Variants in JAK2 observed in about 807,000 individuals in gnomAD.
The protein encoded by JAK2 is Janus kinase 2.
Under a neutral mutation model 139.3 loss-of-function variants are expected in JAK2, and 86 were observed. That is an observed-to-expected ratio of 0.62 (90% CI 0.52 to 0.74). The LOEUF is 0.74. JAK2 is among the 30% of genes least tolerant of loss of function. The pLI is 0.00. For missense variants in JAK2, 1,421 were observed against 1,360.3 expected (o/e 1.04, Z -0.70); for synonymous variants, 490 against 437.7 (o/e 1.12, Z -1.49).
intron 8 of JAK2, among the ~76,000 whole-genome samples, chr9:5,062,165 G>A (rs967503479): frequency 2.6e-5 from 4 of 151,980 alleles, no homozygotes; most frequent in Non-Finnish European, 5.9e-5. Context: ...GGAAAATATA[G>A]TATTCACAGG....
At chr9:5,087,699 C>T (rs1349414540) in intron 19 of JAK2, among the ~76,000 whole-genome samples, 1 of 152,178 alleles carries the variant, frequency 6.6e-6, no homozygotes, top group African/African-American at 2.4e-5. Context: ...CATTTTCCCA[C>T]TGCTTATTGG....
chr9:4,988,203 C>T (rs914808959), intron 2 of JAK2, among the ~76,000 whole-genome samples: 24 of 152,198 alleles, frequency 1.6e-4, no homozygotes, highest in African/African-American at 5.8e-4. Flanking sequence ...CCCAGTTTCC[C>T]AAACTGTGTG....
intron 10 of JAK2, among the ~76,000 whole-genome samples, chr9:5,067,441 T>A (rs899961096): frequency 6.6e-6 from 1 of 152,084 alleles, no homozygotes; most frequent in Admixed American, 6.5e-5. Flanking sequence ...CTTGCTTTTT[T>A]AAAACAGAGA....
At chr9:5,039,049 C>G (rs1057411547) in intron 4 of JAK2, among the ~76,000 whole-genome samples, 2 of 152,086 alleles carry the variant, frequency 1.3e-5, no homozygotes, top group Non-Finnish European at 2.9e-5. Context: ...AAAGTAATGT[C>G]ATACTTATTA....
intron 2 of JAK2, among the ~76,000 whole-genome samples, chr9:4,995,190 A>C (rs1048058391): frequency 3.3e-5 from 5 of 152,178 alleles, no homozygotes; most frequent in Admixed American, 2.0e-4. Flanking sequence ...GGAACTCTTC[A>C]CTCATATCTT....
At chr9:5,014,945 G>T (rs1821946713) in intron 2 of JAK2, among the ~76,000 whole-genome samples, 1 of 151,568 alleles carries the variant, frequency 6.6e-6, no homozygotes, top group African/African-American at 2.4e-5. Flanking sequence ...GCGGGGGCGG[G>T]GGGAGATTTG....
At chr9:5,045,034 C>T (rs1816902354) in intron 5 of JAK2, among the ~76,000 whole-genome samples, 1 of 152,194 alleles carries the variant, frequency 6.6e-6, no homozygotes, top group Admixed American at 6.5e-5. Flanking sequence ...TATTTGTTCA[C>T]TAATACAGTT....
intron 2 of JAK2, among the ~76,000 whole-genome samples, chr9:5,009,454 G>A (rs1021242392): frequency 1.3e-5 from 2 of 150,898 alleles, no homozygotes; most frequent in African/African-American, 4.9e-5. Context: ...TTTTAATTTT[G>A]TAAACTTTAT....
intron 2 of JAK2, among the ~76,000 whole-genome samples, chr9:4,992,036 C>G (rs984584278): frequency 4.6e-5 from 7 of 152,176 alleles, no homozygotes; most frequent in African/African-American, 1.7e-4. Flanking sequence ...GTAATTGAGA[C>G]AGGGCACACC....
chr9:5,035,792 C>G (rs879434130), intron 4 of JAK2, among the ~76,000 whole-genome samples: 3 of 152,176 alleles, frequency 2.0e-5, no homozygotes, highest in Admixed American at 6.5e-5. Context: ...TGGACAGAAA[C>G]TGGAAGCATT....
At chr9:5,081,977 G>A in intron 19 of JAK2, 116 bp downstream of exon 19, 2 of 852,156 alleles carry the variant, frequency 2.3e-6, no homozygotes, top group Non-Finnish European at 3.7e-6. Context: ...AGAAAAAAAA[G>A]GTTTGGTTGT....
At chr9:4,988,932 C>T (rs1820105572) in intron 2 of JAK2, among the ~76,000 whole-genome samples, 2 of 152,154 alleles carry the variant, frequency 1.3e-5, no homozygotes, top group Admixed American at 1.3e-4. Flanking sequence ...TTTCTCATAT[C>T]TCTGCTTTCC....
intron 7 of JAK2, among the ~76,000 whole-genome samples, chr9:5,055,291 T>G (rs1456542005): frequency 4.6e-5 from 7 of 152,022 alleles, no homozygotes. Flanking sequence ...GCATTGCAAG[T>G]TTTGAATTTG....
At chr9:5,062,848 G>C (rs961077042) in intron 8 of JAK2, among the ~76,000 whole-genome samples, 3 of 152,004 alleles carry the variant, frequency 2.0e-5, no homozygotes, top group African/African-American at 7.2e-5. Context: ...GTGTTTATAG[G>C]TCAGCTTTAA....
At chr9:5,114,310 C>T (rs2130816248) in intron 22 of JAK2, 1 of 542,582 alleles carries the variant, frequency 1.8e-6, no homozygotes, top group Admixed American at 2.2e-5. Context: ...TGGTCCCAGG[C>T]CAGTGGGAAG....
chr9:5,054,563 C>G lies in JAK2; in HGVS notation c.615C>G (p.Ser205Arg). Residue 205 changes from serine to arginine, a missense_variant and splice_region_variant, in exon 7 of 25, where the codon AGC (serine) becomes AGG (arginine). Ser to Arg is a moderately radical substitution (Grantham distance 110, BLOSUM62 -1). Coordinates refer to ENST00000381652, the MANE Select transcript of JAK2 (RefSeq NM_004972.4). The surrounding 1 kb of genome is among the most constrained non-coding windows in gnomAD (Gnocchi z 4.9). Reference protein sequence around the residue: ...QTPLAIYNSISYKTFLPKCIR... With the variant: ...QTPLAIYNSIRYKTFLPKCIR... Reference sequence around the variant, plus strand: ...TCTGTATGTGCTTTTTTATCCCTAGCTACAAGACATTCTTACCAAAATGTA... The same window carrying G: ...TCTGTATGTGCTTTTTTATCCCTAGGTACAAGACATTCTTACCAAAATGTA... 6.4e-7 allele frequency: 1 copy of G among 1,570,250 alleles called. No individual in the cohort carries two copies. The highest frequency in any genetic ancestry group is 1.7e-4 in the Middle Eastern group (1 of 5,840).
rs777941045 is a variant in JAK2 at position 5,080,431 on chromosome 9, T to G, written c.2283+51T>G. On this transcript the variant is annotated intron_variant, in intron 17 of 24. Coordinates refer to ENST00000381652, the MANE Select transcript of JAK2 (RefSeq NM_004972.4). ...ATTACTCTATCTCTGAACTTTCATA[T>G]TTCTTTCACATGATTTGTATTTTTT... is the stretch of plus-strand genomic sequence containing the variant. The G allele has an allele frequency of 3.9e-5, 61 of 1,551,566 alleles. No individual in the cohort carries two copies. In the South Asian group the frequency reaches 7.4e-4, roughly 19 times the overall value.
In JAK2 at chr9:5,126,676, C is replaced by T; in HGVS notation, c.3292-8C>T. The T allele has an allele frequency of 1.3e-6, 2 of 1,587,056 alleles. No homozygotes were observed. The highest frequency in any genetic ancestry group is 1.7e-6 in the Non-Finnish European group (2 of 1,163,822). On this transcript the variant is annotated splice_polypyrimidine_tract_variant and splice_region_variant and intron_variant, in intron 24 of 24. Transcript: ENST00000381652. Reference sequence around the variant, plus strand: ...TCATTTAATTTTGGTTTATTTTCTCCTTTACAGATCTATATGATCATGACA... The same window carrying T: ...TCATTTAATTTTGGTTTATTTTCTCTTTTACAGATCTATATGATCATGACA...
At chr9:5,042,560 C>G (rs960741662) in intron 4 of JAK2, among the ~76,000 whole-genome samples, 8 of 152,062 alleles carry the variant, frequency 5.3e-5, no homozygotes, top group Non-Finnish European at 1.2e-4. Flanking sequence ...CATTACTTTG[C>G]TGAAGTGAGT....
Sources: allele counts gnomAD v4.1 joint callset (sites outside exome capture counted in the v4.1 genomes callset), GRCh38; gene constraint gnomAD v4.1.1; non-coding constraint Gnocchi (gnomAD v3.1); transcripts MANE v1.5; gene names NCBI Gene and HGNC (gene_info 2026-07-23, HGNC 2026-07-21).